The following TTC6 variants were observed in gnomAD, a reference collection of about 807,000 sequenced individuals.
The protein encoded by TTC6 is tetratricopeptide repeat protein 6.
Under a neutral mutation model 210.4 loss-of-function variants are expected in TTC6, and 172 were observed. The observed-to-expected ratio is 0.82, with a 90% CI of 0.72 to 0.93. TTC6 has a LOEUF of 0.93. TTC6 is among the 40% of genes least tolerant of loss of function. The pLI is 0.00. For missense variants in TTC6, 2,414 were observed against 2,318.1 expected, an observed-to-expected ratio of 1.04 and a Z score of -0.85; for synonymous variants, 804 against 819.6, an observed-to-expected ratio of 0.98 and a Z score of 0.32.
intron 14 of TTC6, among the ~76,000 whole-genome samples, chr14:37,754,999 G>A (rs1295537297): frequency 2.6e-5 from 4 of 152,102 alleles, no homozygotes; most frequent in African/African-American, 7.2e-5. Flanking sequence ...TTCCACAATG[G>A]TTGAACTAAT....
rs145851941 is a variant in TTC6, at chr14:37,758,555, C to A, written c.3266+5320C>A. 6.0e-3 allele frequency among the ~76,000 whole-genome samples: 919 copies of A among 152,176 alleles called. 3 individuals are homozygous for A. Among genetic ancestry groups the A allele is most frequent in the South Asian group, 0.013 (61 of 4,818 alleles). Reference sequence around the variant, plus strand: ...TTTGCTTGGTAGTTCTTCCTCCATCCCTTTATTTTGAGCCTATGTGTATCT... The same window carrying A: ...TTTGCTTGGTAGTTCTTCCTCCATCACTTTATTTTGAGCCTATGTGTATCT... On this transcript the variant is annotated intron_variant, in intron 14 of 30. Transcript: ENST00000553443.
intron 28 of TTC6, among the ~76,000 whole-genome samples, chr14:37,826,593 T>G (rs1295617218): frequency 6.6e-6 from 1 of 152,124 alleles, no homozygotes; most frequent in African/African-American, 2.4e-5. Context: ...CGCTTTATAC[T>G]TTCATGGGAC....
chr14:37,814,099 C>T lies in TTC6; in HGVS notation c.4689+1666C>T, dbSNP rs529104883. 2.6e-5 allele frequency among the ~76,000 whole-genome samples: 4 copies of T among 152,302 alleles called. No individual in the cohort carries two copies. The East Asian group carries it at 5.8e-4, about 22-fold the overall frequency. The stretch of plus-strand genomic sequence containing the variant: ...AAGTTATTCCTTTGCTCAAAACCCT[C>T]TGATGGCTTCCCATCACACTTAGAA... On this transcript the variant is annotated intron_variant, in intron 25 of 30. Transcript: ENST00000553443.
intron 1 of TTC6, among the ~76,000 whole-genome samples, chr14:37,671,498 A>T (rs1421089569): frequency 1.3e-5 from 2 of 152,184 alleles, no homozygotes; most frequent in African/African-American, 4.8e-5. Flanking sequence ...GAACATCAGG[A>T]TAGGTGAACA....
At chr14:37,679,756 T>G (rs1360452413) in intron 1 of TTC6, among the ~76,000 whole-genome samples, 1 of 152,124 alleles carries the variant, frequency 6.6e-6, no homozygotes, top group Non-Finnish European at 1.5e-5. Context: ...AATGGCATGA[T>G]CTCAGCTCAC....
intron 29 of TTC6, among the ~76,000 whole-genome samples, chr14:37,834,892 T>G (rs2096194190): frequency 6.6e-6 from 1 of 152,214 alleles, no homozygotes. Flanking sequence ...TGGCTTTGGT[T>G]CTGGGTGGGC....
chr14:37,784,470 T>C (rs2096062937), intron 14 of TTC6, among the ~76,000 whole-genome samples: 1 of 152,204 alleles, frequency 6.6e-6, no homozygotes. Flanking sequence ...TTCCATTTGC[T>C]TGGTAGATCT....
chr14:37,615,419 A>C (rs919088246), intron 2 of TTC6, among the ~76,000 whole-genome samples: 1 of 152,028 alleles, frequency 6.6e-6, no homozygotes, highest in African/African-American at 2.4e-5. Context: ...TGGGATACTA[A>C]TTATCTGAAT....
chr14:37,721,282 A>T (rs908271826), intron 6 of TTC6, among the ~76,000 whole-genome samples: 4 of 152,156 alleles, frequency 2.6e-5, no homozygotes, highest in African/African-American at 9.6e-5. Flanking sequence ...ATTATTTCAA[A>T]TAACATCACA....
chr14:37,796,741 C>A (rs772281096), intron 19 of TTC6, 46 bp from the exon 22 acceptor site: 25 of 1,541,282 alleles, frequency 1.6e-5, no homozygotes, highest in Admixed American at 6.1e-5. Context: ...TATTCAAAAT[C>A]ATTGATACTT....
At chr14:37,728,845 A>C (rs2138864138) in intron 7 of TTC6, among the ~76,000 whole-genome samples, 1 of 152,298 alleles carries the variant, frequency 6.6e-6, no homozygotes, top group East Asian at 1.9e-4. Flanking sequence ...TTGTAGTAAA[A>C]ATTCAAACAA....
intron 24 of TTC6, among the ~76,000 whole-genome samples, chr14:37,809,330 G>A (rs2139425242): frequency 7.1e-6 from 1 of 140,724 alleles, no homozygotes; most frequent in Admixed American, 7.7e-5. Context: ...TTGGCTCACT[G>A]CAACCTCCGC....
intron 5 of TTC6, among the ~76,000 whole-genome samples, chr14:37,711,156 TC>T (rs1362482232): frequency 2.6e-5 from 4 of 152,160 alleles, no homozygotes. Context: ...TGATTCTGCT[TC>T]CCAGGGCAGA....
Position 37,814,247 on chromosome 14 carries a change from A to T in TTC6, c.4689+1814A>T, listed in dbSNP as rs537707902. 1.1e-3 allele frequency among the ~76,000 whole-genome samples: 161 copies of T among 152,136 alleles called. 1 individual carries two copies. Among genetic ancestry groups the T allele is most frequent in the African/African-American group, 3.6e-3 (150 of 41,512 alleles). On this transcript the variant is annotated intron_variant, in intron 25 of 30. Coordinates refer to ENST00000553443, the Ensembl canonical transcript of TTC6. Reference sequence around the variant, plus strand: ...AGTCATGCCACCCTGGCCTTTTCTTATTCCTTGGAAATGCTGGGCTCCCTT... The same window carrying T: ...AGTCATGCCACCCTGGCCTTTTCTTTTTCCTTGGAAATGCTGGGCTCCCTT...
intron 5 of TTC6, among the ~76,000 whole-genome samples, chr14:37,705,948 G>C (rs1289458561): frequency 1.3e-5 from 2 of 152,102 alleles, no homozygotes; most frequent in East Asian, 3.9e-4. Context: ...CTGGGAACTT[G>C]TTAGAAATGC....
chr14:37,739,550 C>A, intron 10 of TTC6, among the ~76,000 whole-genome samples: 1 of 125,908 alleles, frequency 7.9e-6, no homozygotes. Context: ...GCATGGATGA[C>A]AGAGTGAGAC....
chr14:37,789,160 C>G (rs893513022), intron 15 of TTC6, among the ~76,000 whole-genome samples: 1 of 152,108 alleles, frequency 6.6e-6, no homozygotes, highest in African/African-American at 2.4e-5. Flanking sequence ...ATAATGATAT[C>G]TAACATTTAT....
chr14:37,646,617 A>G (rs1274792868), intron 1 of TTC6, among the ~76,000 whole-genome samples: 1 of 152,198 alleles, frequency 6.6e-6, no homozygotes, highest in African/African-American at 2.4e-5. Flanking sequence ...TTAAAACATT[A>G]TATAGATTGG....
intron 15 of TTC6, among the ~76,000 whole-genome samples, chr14:37,789,713 T>C (rs909534578): frequency 5.3e-5 from 8 of 151,084 alleles, no homozygotes; most frequent in African/African-American, 1.7e-4. Flanking sequence ...GAAAGTACAC[T>C]CTATGATCTT....
Sources: allele counts gnomAD v4.1 joint callset (sites outside exome capture counted in the v4.1 genomes callset), GRCh38; gene constraint gnomAD v4.1.1; transcripts MANE v1.5; gene names NCBI Gene and HGNC (gene_info 2026-07-23, HGNC 2026-07-21).